The following DRC11 variants were observed in gnomAD, a reference collection of about 807,000 sequenced individuals.
The protein encoded by DRC11 is IQ and AAA domain-containing protein 1.
the DRC11 span, chr2:236,324,819 T>A: frequency 1.0e-3 from 1,467 of 1,441,072 alleles, 14 homozygotes; most frequent in African/African-American, 0.017. This position sits in a 1 kb window ranked among gnomAD's most constrained non-coding sequence, Gnocchi z 5.7. Flanking sequence ...AAGGTCAGAA[T>A]GACACCAATT....
At chr2:236,424,723 T>C in the DRC11 span, among the ~76,000 whole-genome samples, 3 of 150,866 alleles carry the variant, frequency 2.0e-5, no homozygotes, top group African/African-American at 7.5e-5. Context: ...TTGTTAATTA[T>C]GGTCATCATG....
chr2:236,498,632 C>T, the DRC11 span, among the ~76,000 whole-genome samples: 4 of 152,060 alleles, frequency 2.6e-5, no homozygotes, highest in African/African-American at 9.7e-5. Flanking sequence ...CACACCCTGG[C>T]GAGGCAACAA....
the DRC11 span, among the ~76,000 whole-genome samples, chr2:236,505,572 C>T: frequency 1.3e-5 from 2 of 152,220 alleles, no homozygotes; most frequent in Admixed American, 1.3e-4. Context: ...CTCCTCCCAA[C>T]ACTCCCAGGC....
At chr2:236,387,258 T>C in the DRC11 span, among the ~76,000 whole-genome samples, 1 of 149,898 alleles carries the variant, frequency 6.7e-6, no homozygotes, top group Non-Finnish European at 1.5e-5. Context: ...ATGTTGACAG[T>C]GGGGTGTTAA....
At chr2:236,497,605 T>C in the DRC11 span, 1 of 688,406 alleles carries the variant, frequency 1.5e-6, no homozygotes, top group Admixed American at 3.0e-5. The surrounding 1 kb of genome is among the most constrained non-coding windows in gnomAD (Gnocchi z 5.1). Flanking sequence ...GCTAAGAATA[T>C]AGTTATATAG....
chr2:236,357,835 AT>A, the DRC11 span, among the ~76,000 whole-genome samples: 1 of 100,416 alleles, frequency 1.0e-5, no homozygotes, highest in African/African-American at 3.7e-5. Flanking sequence ...CATATACTAT[AT>A]AAATATGTAA....
the DRC11 span, among the ~76,000 whole-genome samples, chr2:236,397,950 T>C: frequency 6.6e-6 from 1 of 152,194 alleles, no homozygotes; most frequent in Admixed American, 6.5e-5. This position sits in a 1 kb window ranked among gnomAD's most constrained non-coding sequence, Gnocchi z 5.0. Flanking sequence ...TGCTGAATGT[T>C]TGTTGAAGGA....
the DRC11 span, among the ~76,000 whole-genome samples, chr2:236,437,451 A>T: frequency 6.6e-6 from 1 of 151,608 alleles, no homozygotes; most frequent in African/African-American, 2.4e-5. Flanking sequence ...CTTTGGGTAT[A>T]TACCCAGTAA....
the DRC11 span, among the ~76,000 whole-genome samples, chr2:236,378,365 C>T: frequency 1.3e-5 from 2 of 152,086 alleles, no homozygotes; most frequent in South Asian, 2.1e-4. Flanking sequence ...CTCTAACAAT[C>T]GAACAAATGA....
chr2:236,491,978 ACT>A, the DRC11 span, among the ~76,000 whole-genome samples: 1 of 152,170 alleles, frequency 6.6e-6, no homozygotes, highest in East Asian at 1.9e-4. Flanking sequence ...ATGAATTAAT[ACT>A]GTTATCGGGG....
the DRC11 span, among the ~76,000 whole-genome samples, chr2:236,461,089 G>A: frequency 6.6e-6 from 1 of 152,300 alleles, no homozygotes; most frequent in Non-Finnish European, 1.5e-5. The surrounding 1 kb of genome is among the most constrained non-coding windows in gnomAD (Gnocchi z 4.0). Flanking sequence ...AAATGTGTTT[G>A]TGAATATATA....
chr2:236,380,636 T>C, the DRC11 span: 3 of 1,548,626 alleles, frequency 1.9e-6, no homozygotes, highest in Admixed American at 3.9e-5. This position sits in a 1 kb window ranked among gnomAD's most constrained non-coding sequence, Gnocchi z 4.9. Context: ...TTTCCTTTCT[T>C]CTTTGGAAAA....
At chr2:236,338,170 G>C in the DRC11 span, 9 of 1,596,878 alleles carry the variant, frequency 5.6e-6, no homozygotes, top group African/African-American at 1.2e-4. Context: ...CCCAGCCTCA[G>C]CTATCATGCA....
At chr2:236,324,685 CTTTT>C in the DRC11 span, 4 of 1,525,880 alleles carry the variant, frequency 2.6e-6, no homozygotes, top group African/African-American at 2.7e-5. The surrounding 1 kb of genome is among the most constrained non-coding windows in gnomAD (Gnocchi z 5.7). Flanking sequence ...TTTTCTCTTT[CTTTT>C]ATTTCCTTTT....
chr2:236,416,721 T>TTTTATA, the DRC11 span, among the ~76,000 whole-genome samples: 17 of 64,242 alleles, frequency 2.6e-4, no homozygotes, highest in South Asian at 1.5e-3. Flanking sequence ...ATATATATAT[T>TTTTATA]TATATATATA....
chr2:236,463,456 A>G, the DRC11 span, among the ~76,000 whole-genome samples: 2 of 152,244 alleles, frequency 1.3e-5, no homozygotes, highest in Non-Finnish European at 2.9e-5. This position sits in a 1 kb window ranked among gnomAD's most constrained non-coding sequence, Gnocchi z 5.0. Context: ...AGACATGGAA[A>G]GAAAACCTCA....
chr2:236,356,422 T>G, the DRC11 span, among the ~76,000 whole-genome samples: 1 of 152,148 alleles, frequency 6.6e-6, no homozygotes, highest in African/African-American at 2.4e-5. Context: ...CTTGCCCCTG[T>G]GTCTTGTGGA....
the DRC11 span, among the ~76,000 whole-genome samples, chr2:236,491,212 ACACACAG>A: frequency 0.018 from 785 of 43,186 alleles, 71 homozygotes; most frequent in Non-Finnish European, 0.028. Context: ...ATATATATAT[ACACACAG>A]TATATATATA....
chr2:236,332,313 C>T, the DRC11 span: 1 of 152,148 alleles, frequency 6.6e-6, no homozygotes, highest in Non-Finnish European at 1.5e-5. This position sits in a 1 kb window ranked among gnomAD's most constrained non-coding sequence, Gnocchi z 5.1. Context: ...ATTCTGGATG[C>T]TTAACTTTAG....
Sources: allele counts gnomAD v4.1 joint callset (sites outside exome capture counted in the v4.1 genomes callset), GRCh38; gene constraint gnomAD v4.1.1; non-coding constraint Gnocchi (gnomAD v3.1); transcripts MANE v1.5; gene names NCBI Gene and HGNC (gene_info 2026-07-23, HGNC 2026-07-21).